YTHDC2: variants seen among roughly 807,000 people sequenced by gnomAD.
YTHDC2 encodes YTH N6-methyladenosine RNA binding protein C2.
In YTHDC2, 45 loss-of-function variants were observed where a neutral mutation model predicts 174.9. That is an observed-to-expected ratio of 0.26 (90% CI 0.20 to 0.33). The LOEUF is 0.33. Ranked by LOEUF, YTHDC2 falls within the 10% of genes least tolerant of loss-of-function variation. The pLI, the probability that YTHDC2 is intolerant of heterozygous loss-of-function variation, is 1.00. For missense variants in YTHDC2, 1,650 were observed against 1,723.7 expected, an observed-to-expected ratio of 0.96 and a Z score of 0.76; for synonymous variants, 657 against 574.5, an observed-to-expected ratio of 1.14 and a Z score of -2.05.
intron 2 of YTHDC2, 36 bp downstream of exon 2, chr5:113,515,398 G>A: frequency 1.3e-6 from 2 of 1,547,588 alleles, no homozygotes; most frequent in Non-Finnish European, 1.8e-6. Flanking sequence ...TTTTAAAAAA[G>A]ATTATTTGCC....
At chr5:113,518,651 C>T (rs1388488023) in intron 2 of YTHDC2, among the ~76,000 whole-genome samples, 1 of 151,222 alleles carries the variant, frequency 6.6e-6, no homozygotes, top group Non-Finnish European at 1.5e-5. Context: ...TGAGAGGCCA[C>T]CTGGTGTAAA....
chr5:113,588,946 A>G (rs1225290841), intron 26 of YTHDC2, among the ~76,000 whole-genome samples: 1 of 151,478 alleles, frequency 6.6e-6, no homozygotes, highest in African/African-American at 2.4e-5. Context: ...TTTATTTTAC[A>G]CTTTACTCCT....
At chr5:113,538,920 A>G (rs1580522886) in intron 7 of YTHDC2, among the ~76,000 whole-genome samples, 154 bp from the exon 8 acceptor site, 1 of 152,222 alleles carries the variant, frequency 6.6e-6, no homozygotes, top group African/African-American at 2.4e-5. Context: ...TGTAAGTCAA[A>G]GTTATAGTTA....
intron 23 of YTHDC2, among the ~76,000 whole-genome samples, chr5:113,574,486 A>G (rs376617791): frequency 1.3e-5 from 2 of 152,208 alleles, no homozygotes; most frequent in African/African-American, 4.8e-5. Context: ...TTTTTGATAC[A>G]GCAGGTGTGC....
chr5:113,555,684 T>G (rs950838715), intron 16 of YTHDC2, among the ~76,000 whole-genome samples: 2 of 152,122 alleles, frequency 1.3e-5, no homozygotes, highest in Non-Finnish European at 2.9e-5. Context: ...CTTCTTATTC[T>G]GCACAGTGAT....
intron 23 of YTHDC2, among the ~76,000 whole-genome samples, chr5:113,578,858 T>G (rs376392837): frequency 3.9e-5 from 6 of 152,168 alleles, no homozygotes; most frequent in African/African-American, 9.6e-5. Flanking sequence ...ACTTTCAGTT[T>G]TAGTAATTTT....
At chr5:113,519,479 T>C (rs949937935) in intron 2 of YTHDC2, among the ~76,000 whole-genome samples, 11 of 152,222 alleles carry the variant, frequency 7.2e-5, no homozygotes, top group Non-Finnish European at 2.9e-5. Context: ...AAATGGATTT[T>C]ACAAAATGAA....
rs1430192921 is a variant in YTHDC2 at position 113,592,035 on chromosome 5, A to G, written c.4069A>G (p.Ser1357Gly). 1 of 1,612,018 alleles carries G rather than the reference A, an allele frequency of 6.2e-7. No homozygotes were observed. Among genetic ancestry groups the G allele is most frequent in the Non-Finnish European group, 8.5e-7 (1 of 1,178,912 alleles). The change falls in exon 28 of 30, where the codon AGT (serine) becomes GGT (glycine). Residue 1357 changes from serine (S) to glycine (G), a missense_variant. Around this residue, in one of 5 missense-constraint regions of YTHDC2, gnomAD observed 913 missense variants for 940.4 expected, o/e 0.97. Transcript: ENST00000161863. ...RMSSEIGREK[S>G]QDWGSAGLGG... ...GTCTTCTGAGATTGGAAGGGAAAAG[A>G]GTCAGGACTGGGGCTCTGCTGGACT...
At chr5:113,546,855 G>A (rs1206000551) in intron 10 of YTHDC2, among the ~76,000 whole-genome samples, 1 of 152,194 alleles carries the variant, frequency 6.6e-6, no homozygotes, top group African/African-American at 2.4e-5. Context: ...GGAGTCCTCA[G>A]TTTGTTGCTG....
chr5:113,544,963 C>G (rs376611947), intron 10 of YTHDC2, among the ~76,000 whole-genome samples: 50 of 151,974 alleles, frequency 3.3e-4, no homozygotes, highest in East Asian at 9.7e-4. Context: ...TTTAAACTTA[C>G]GATTTTATTG....
Position 113,541,062 on chromosome 5 carries a change from G to A in YTHDC2, c.1305G>A (p.Val435=), listed in dbSNP as rs778672333. Residue 435 remains valine, a synonymous_variant, in exon 9 of 30, where the codon GTG becomes GTA. Transcript: ENST00000161863. ...ESQRQRTVLN[V]TDEYDLLDDG... ...AGAGGCAGAGAACTGTTCTAAATGT[G>A]ACTGATGAGTATGACTTACTGGATG... 3.1e-6 allele frequency: 5 copies of A among 1,614,154 alleles called. No individual in the cohort carries two copies. In the Admixed American group the frequency reaches 8.3e-5, roughly 27 times the overall value.
chr5:113,563,916 G>T lies in YTHDC2; in HGVS notation c.2500G>T (p.Asp834Tyr), dbSNP rs1209453409. 6.2e-7 allele frequency: 1 copy of T among 1,614,182 alleles called. No homozygotes were observed. The highest frequency in any genetic ancestry group is 1.7e-5 in the Admixed American group (1 of 60,018). ...DLTELGYHLA[D>Y]LPVEPHLGKM... ...GACTGAACTTGGGTATCATTTGGCT[G>T]ACTTGCCAGTAGAACCACATCTTGG... The change falls in exon 20 of 30, where the codon GAC becomes TAC. Residue 834 changes from aspartate to tyrosine, a missense_variant. This residue lies in a region of YTHDC2 where 913 missense variants were observed against 940.4 expected (regional missense o/e 0.97). Coordinates refer to ENST00000161863, the MANE Select transcript of YTHDC2 (RefSeq NM_022828.5).
intron 15 of YTHDC2, 36 bp from the exon 16 acceptor site, chr5:113,553,905 GT>G (rs779464796): frequency 2.5e-6 from 4 of 1,582,296 alleles, no homozygotes; most frequent in Non-Finnish European, 3.4e-6. Context: ...TATTTTTTCT[GT>G]TTTTTTATTA....
intron 2 of YTHDC2, among the ~76,000 whole-genome samples, chr5:113,518,147 C>G (rs948241400): frequency 1.3e-5 from 2 of 150,042 alleles, no homozygotes; most frequent in Non-Finnish European, 2.9e-5. Flanking sequence ...CTTGGCCTCC[C>G]AAAGTGCTGG....
At chr5:113,575,556 A>G (rs1267168710) in intron 23 of YTHDC2, among the ~76,000 whole-genome samples, 1 of 152,198 alleles carries the variant, frequency 6.6e-6, no homozygotes, top group Non-Finnish European at 1.5e-5. Context: ...GTAGAGAAAG[A>G]GGGAAAGCAC....
At chr5:113,592,264 G>A in intron 28 of YTHDC2, 86 bp downstream of exon 28, 1 of 1,338,166 alleles carries the variant, frequency 7.5e-7, no homozygotes, top group South Asian at 1.6e-5. Flanking sequence ...GAAAATGTAA[G>A]AGTACAAATT....
intron 26 of YTHDC2, among the ~76,000 whole-genome samples, chr5:113,584,680 T>C (rs1367482869): frequency 6.6e-6 from 1 of 152,132 alleles, no homozygotes; most frequent in Non-Finnish European, 1.5e-5. Context: ...TATTACCATC[T>C]TGGGGTATTT....
chr5:113,577,260 C>G (rs1313083048), intron 23 of YTHDC2, among the ~76,000 whole-genome samples: 2 of 151,868 alleles, frequency 1.3e-5, no homozygotes, highest in African/African-American at 4.8e-5. Flanking sequence ...TCTTTACTGC[C>G]TTTCTGTTAT....
intron 28 of YTHDC2, 22 bp downstream of exon 28, chr5:113,592,200 TTTA>T (rs765850358): frequency 1.3e-6 from 2 of 1,566,640 alleles, no homozygotes; most frequent in Non-Finnish European, 8.6e-7. Context: ...CATTTTTTTT[TTTA>T]TTTACTTTTG....
Sources: gnomAD v4.1 joint callset for allele counts (sites outside exome capture counted in the v4.1 genomes callset) on GRCh38, gnomAD v4.1.1 for gene constraint, gnomAD v4.1.1 regional missense constraint, MANE v1.5 for transcripts, NCBI Gene and HGNC (gene_info 2026-07-23, HGNC 2026-07-21) for gene names.